The following PCDH15 variants were observed in gnomAD, a reference collection of about 807,000 sequenced individuals.
The protein encoded by PCDH15 is protocadherin-15.
A neutral mutation model predicts 178.5 loss-of-function variants in PCDH15; 129 were observed. That is an observed-to-expected ratio of 0.72 (90% CI 0.63 to 0.84). PCDH15 has a LOEUF of 0.84. Among genes scored for constraint, PCDH15 ranks in the 40% least tolerant of loss-of-function variants. The pLI, the probability that PCDH15 is intolerant of heterozygous loss-of-function variation, is 0.00. For synonymous variants in PCDH15, 800 were observed against 732.0 expected, an observed-to-expected ratio of 1.09 and a Z score of -1.50; for missense variants, 2,230 against 2,099.9, an observed-to-expected ratio of 1.06 and a Z score of -1.21.
intron 3 of PCDH15, among the ~76,000 whole-genome samples, chr10:54,431,708 G>A (rs1196251699): frequency 6.6e-6 from 1 of 152,088 alleles, no homozygotes; most frequent in Non-Finnish European, 1.5e-5. Flanking sequence ...GGCAAGGATG[G>A]CCACTTTCAT....
chr10:55,234,324 T>C (rs1841312907), intron 1 of PCDH15, among the ~76,000 whole-genome samples: 1 of 152,122 alleles, frequency 6.6e-6, no homozygotes, highest in African/African-American at 2.4e-5. Context: ...AGAGCAGATC[T>C]TCATATTTAA....
At chr10:54,474,100 G>A (rs369246583) in intron 3 of PCDH15, among the ~76,000 whole-genome samples, 226 of 151,710 alleles carry the variant, frequency 1.5e-3, no homozygotes, top group Non-Finnish European at 2.5e-3. Context: ...TTCTATATTC[G>A]AATTGCAAAA....
chr10:55,609,011 T>C (rs558519287), intron 2 of PCDH15, among the ~76,000 whole-genome samples: 2,018 of 143,238 alleles, frequency 0.014, 25 homozygotes, highest in South Asian at 0.036. Context: ...ATGTTATATA[T>C]ATATACACAC....
intron 2 of PCDH15, among the ~76,000 whole-genome samples, chr10:55,349,441 T>C (rs1160512755): frequency 6.6e-6 from 1 of 152,174 alleles, no homozygotes; most frequent in Non-Finnish European, 1.5e-5. Flanking sequence ...TGACCATTTT[T>C]CTCTTGCCAG....
At chr10:54,085,169 TTTAA>T (rs2094496503) in intron 16 of PCDH15, among the ~76,000 whole-genome samples, 1 of 152,050 alleles carries the variant, frequency 6.6e-6, no homozygotes, top group African/African-American at 2.4e-5. Context: ...TTATATATTA[TTTAA>T]TTTTCAATAT....
chr10:53,967,343 T>A (rs1294517882), intron 21 of PCDH15, among the ~76,000 whole-genome samples: 1 of 152,188 alleles, frequency 6.6e-6, no homozygotes. Flanking sequence ...TTTCCTTTAT[T>A]AACTACCCAG....
At position 53,822,914 on chromosome 10, in the gene PCDH15, C is replaced by T. The variant is rs148718874; in HGVS notation, c.4368-2684G>A. ...CAGTGTTTTCATTTTCAGCTTTCTG[C>T]CTGGTGCCTTGCCACTGCTGCAGAT... On this transcript the variant is annotated intron_variant, in intron 32 of 37. Transcript: ENST00000644397. 1.2e-6 allele frequency: 2 copies of T among 1,614,108 alleles called. No homozygotes were observed. Among genetic ancestry groups the T allele is most frequent in the Admixed American group, 1.7e-5 (1 of 60,004 alleles).
rs148645390 is a variant in PCDH15, at chr10:54,724,722, A to T, written c.-28-60432T>A. On this transcript the variant is annotated intron_variant, in intron 1 of 37. Coordinates refer to ENST00000644397, the MANE Select transcript of PCDH15 (RefSeq NM_001384140.1). ...ATAAACGACTCAACAGAAAAGCAAG[A>T]CTAAAGGTAAACAAGAAAGCTATAT... 4.7e-3 allele frequency among the ~76,000 whole-genome samples: 709 copies of T among 151,406 alleles called. 7 individuals are homozygous for T. The highest frequency in any genetic ancestry group is 0.024 in the Middle Eastern group (7 of 292).
At chr10:53,823,041 G>A in intron 32 of PCDH15, 1 of 1,614,026 alleles carries the variant, frequency 6.2e-7, no homozygotes, top group Non-Finnish European at 8.5e-7. Context: ...GCCCCTCAGA[G>A]ACTTACTCTT....
At chr10:54,190,784 A>AATTT (rs2048921100) in intron 11 of PCDH15, among the ~76,000 whole-genome samples, 1 of 152,210 alleles carries the variant, frequency 6.6e-6, no homozygotes. Context: ...CATAATACAG[A>AATTT]TCTTTTGAAA....
intron 1 of PCDH15, among the ~76,000 whole-genome samples, chr10:55,186,024 A>C (rs763855649): frequency 6.6e-6 from 1 of 151,714 alleles, no homozygotes; most frequent in Admixed American, 6.6e-5. Context: ...TTTCTCCTTC[A>C]GAAACAAATG....
chr10:55,600,765 T>C (rs1174935299), intron 2 of PCDH15, among the ~76,000 whole-genome samples: 1 of 152,194 alleles, frequency 6.6e-6, no homozygotes, highest in Non-Finnish European at 1.5e-5. Context: ...CACAATATGC[T>C]ATTGGTTACT....
At chr10:54,409,719 T>G (rs1049538108) in intron 3 of PCDH15, among the ~76,000 whole-genome samples, 1 of 152,124 alleles carries the variant, frequency 6.6e-6, no homozygotes, top group Non-Finnish European at 1.5e-5. Flanking sequence ...CAAACTCATA[T>G]GTTGATGATA....
intron 1 of PCDH15, among the ~76,000 whole-genome samples, chr10:55,285,737 G>T (rs778640682): frequency 1.3e-5 from 2 of 151,812 alleles, no homozygotes; most frequent in African/African-American, 2.4e-5. Flanking sequence ...ATAAATGATT[G>T]TAAGATGTGG....
chr10:54,444,106 G>A (rs1293832047), intron 3 of PCDH15, among the ~76,000 whole-genome samples: 1 of 151,552 alleles, frequency 6.6e-6, no homozygotes. Flanking sequence ...ACAAACAAGA[G>A]GTAAGGGAAT....
intron 2 of PCDH15, among the ~76,000 whole-genome samples, chr10:55,560,161 A>G (rs1368264182): frequency 6.6e-6 from 1 of 151,954 alleles, no homozygotes; most frequent in Non-Finnish European, 1.5e-5. Context: ...AAATTTCTGT[A>G]ATAATTTAGG....
rs1365573893 is a variant in PCDH15, at chr10:54,307,395, G to GTCCTATGTT, written c.876+9867_876+9875dup. Among the ~76,000 whole-genome samples the GTCCTATGTT allele has an allele frequency of 2.6e-5, 4 of 151,384 alleles. No individual in the cohort carries two copies. In the Admixed American group the frequency reaches 2.7e-4, roughly 10 times the overall value. On this transcript the variant is annotated intron_variant, in intron 8 of 37. Transcript: ENST00000644397. The stretch of plus-strand genomic sequence containing the variant: ...ATTGCCAAATTTATAGGGCGAAGAA[G>GTCCTATGTT]TCCTATGTTTACCTAGAGGGGAAAC...
chr10:55,511,810 C>A (rs934810888), intron 2 of PCDH15, among the ~76,000 whole-genome samples: 2 of 151,938 alleles, frequency 1.3e-5, no homozygotes, highest in African/African-American at 2.4e-5. Context: ...TTATTATTAT[C>A]TAGAGTAGAC....
chr10:54,471,087 A>T, intron 3 of PCDH15, among the ~76,000 whole-genome samples: 1 of 152,334 alleles, frequency 6.6e-6, no homozygotes. Flanking sequence ...CAATTAACAT[A>T]TAATCATTCT....
Sources: allele counts gnomAD v4.1 joint callset (sites outside exome capture counted in the v4.1 genomes callset), GRCh38; gene constraint gnomAD v4.1.1; transcripts MANE v1.5; gene names NCBI Gene and HGNC (gene_info 2026-07-23, HGNC 2026-07-21).